The following DNAJB14 variants were observed in gnomAD, a reference collection of about 807,000 sequenced individuals.
The protein encoded by DNAJB14 is dnaJ homolog subfamily B member 14.
Under a neutral mutation model 48.4 loss-of-function variants are expected in DNAJB14, and 22 were observed. The ratio of observed to expected loss-of-function variants is 0.45; its 90% CI spans 0.32 to 0.65. DNAJB14 has a LOEUF of 0.65. DNAJB14 is among the 30% of genes least tolerant of loss of function. The pLI, the probability that DNAJB14 is intolerant of heterozygous loss-of-function variation, is 0.03. For missense variants in DNAJB14, 319 were observed against 458.8 expected (o/e 0.70, Z 2.78); for synonymous variants, 142 against 158.7 (o/e 0.89, Z 0.79).
In DNAJB14 at chr4:99,916,985, A is replaced by G. The variant is rs560152575; in HGVS notation, c.451+6055T>C. Among the ~76,000 whole-genome samples, 19 of 152,192 alleles carry G rather than the reference A, an allele frequency of 1.2e-4. No homozygotes were observed. In the South Asian group the frequency reaches 2.7e-3, roughly 22 times the overall value. ...CTGTCTCTACTAAAAATACAAAAAA[A>G]TTAGCTGGGTGTGGTGGCACATGCC... On this transcript the variant is annotated intron_variant, in intron 3 of 7. Coordinates refer to ENST00000442697, the MANE Select transcript of DNAJB14 (RefSeq NM_001031723.4).
Position 99,930,506 on chromosome 4 carries a change from A to C in DNAJB14, c.249T>G (p.Ser83=), listed in dbSNP as rs1726424386. 6.2e-7 allele frequency: 1 copy of C among 1,611,790 alleles called. No individual in the cohort carries two copies. Among genetic ancestry groups the C allele is most frequent in the African/African-American group, 1.3e-5 (1 of 74,856 alleles). ...AGCCTTTTCCACCTTCACCACTACC[A>C]GATGTGCTGTCCTTTGTGCAATTAG... ...SKPNCTKDST[S]GSGEGGKGYT... Residue 83 remains serine (S), a synonymous_variant, in exon 2 of 8, where the codon TCT becomes TCG. Coordinates refer to ENST00000442697, the MANE Select transcript of DNAJB14 (RefSeq NM_001031723.4).
chr4:99,939,428 A>G (rs1448610390), intron 1 of DNAJB14, among the ~76,000 whole-genome samples: 2 of 152,226 alleles, frequency 1.3e-5, no homozygotes, highest in Non-Finnish European at 2.9e-5. Context: ...GACCCACTGC[A>G]TGCTAATTAG....
intron 1 of DNAJB14, among the ~76,000 whole-genome samples, chr4:99,940,952 T>TATA (rs370865641): frequency 0.012 from 1,835 of 148,790 alleles, 9 homozygotes; most frequent in South Asian, 0.028. Flanking sequence ...TATATATATA[T>TATA]TTTTTTTTTG....
intron 1 of DNAJB14, among the ~76,000 whole-genome samples, chr4:99,932,494 G>A (rs1274797923): frequency 6.6e-6 from 1 of 152,072 alleles, no homozygotes; most frequent in Non-Finnish European, 1.5e-5. Flanking sequence ...TCCAAAAGAT[G>A]AACAATAGCA....
chr4:99,903,889 C>T lies in DNAJB14; in HGVS notation c.852G>A (p.Gly284=), dbSNP rs143056477. 2.5e-4 allele frequency: 405 copies of T among 1,611,558 alleles called. 1 individual carries two copies. The East Asian group carries it at 3.9e-3, about 15-fold the overall frequency. The change falls in exon 7 of 8, where the codon GGG becomes GGA. Residue 284 remains glycine, a synonymous_variant. Transcript: ENST00000442697. ...PYSLYPRSGT[G]QTIKMQTENL... ...TTTCTGTTTGCATTTTAATAGTTTG[C>T]CCAGTTCCACTGTAAAAGAGATGCA...
intron 5 of DNAJB14, 186 bp from the exon 6 acceptor site, chr4:99,905,892 T>G: frequency 2.3e-6 from 3 of 1,295,386 alleles, no homozygotes; most frequent in Non-Finnish European, 3.1e-6. Flanking sequence ...CACCAGGAGA[T>G]TCTGATTTGA....
chr4:99,937,184 G>A (rs896029130), intron 1 of DNAJB14, among the ~76,000 whole-genome samples: 2 of 151,968 alleles, frequency 1.3e-5, no homozygotes, highest in Non-Finnish European at 2.9e-5. Flanking sequence ...AGGTGTGGTG[G>A]CAGGCGCTTA....
chr4:99,924,892 C>T, intron 2 of DNAJB14: 1 of 1,015,210 alleles, frequency 9.9e-7, no homozygotes, highest in Non-Finnish European at 1.5e-6. Flanking sequence ...TGCCTCTAGG[C>T]AAAAATCTGA....
chr4:99,922,898 G>T, intron 3 of DNAJB14, 142 bp downstream of exon 3: 1 of 934,832 alleles, frequency 1.1e-6, no homozygotes, highest in Non-Finnish European at 1.5e-6. Flanking sequence ...AGTTAATACT[G>T]AAGTTTTAAA....
rs181262184 is a variant in DNAJB14 at position 99,897,810 on chromosome 4, T to C, written c.*3218A>G. ...ATGAAGATGGATAGTAATAGGATAGTACTGAACCCAAGCTTCACATGGGGA... is the reference window on the plus strand; with the variant it reads ...ATGAAGATGGATAGTAATAGGATAGCACTGAACCCAAGCTTCACATGGGGA... On this transcript the variant is annotated 3_prime_UTR_variant, in exon 8 of 8. Transcript: ENST00000442697. 2 of 152,122 alleles carry C rather than the reference T, an allele frequency of 1.3e-5. No homozygotes were observed. Among genetic ancestry groups the C allele is most frequent in the East Asian group, 3.9e-4 (2 of 5,180 alleles). The allele number at this position is 152,122 out of a possible 1,614,324, so 9.4% of individuals were successfully genotyped here. A position where few individuals can be genotyped will look rare whatever the true frequency, so the allele number is the denominator to read the frequency against.
intron 3 of DNAJB14, among the ~76,000 whole-genome samples, chr4:99,909,401 A>G (rs1447597856): frequency 6.6e-6 from 1 of 151,972 alleles, no homozygotes; most frequent in Non-Finnish European, 1.5e-5. Context: ...CCATACCAAA[A>G]ATCTTTTTTT....
intron 1 of DNAJB14, among the ~76,000 whole-genome samples, chr4:99,931,611 A>C (rs1726469380): frequency 6.6e-6 from 1 of 152,074 alleles, no homozygotes; most frequent in Admixed American, 6.5e-5. Flanking sequence ...TTAGACATCA[A>C]ATTTATAAGC....
intron 4 of DNAJB14, among the ~76,000 whole-genome samples, chr4:99,907,966 T>C (rs1166763501): frequency 1.3e-5 from 2 of 152,206 alleles, no homozygotes; most frequent in East Asian, 3.8e-4. Flanking sequence ...GTAAACATGA[T>C]GTACTATATG....
intron 1 of DNAJB14, among the ~76,000 whole-genome samples, chr4:99,945,878 C>G (rs1401824411): frequency 2.6e-5 from 4 of 152,182 alleles, no homozygotes. Flanking sequence ...TGACTCTTGA[C>G]CATTCTTGCC....
chr4:99,912,559 A>G (rs760789976), intron 3 of DNAJB14, among the ~76,000 whole-genome samples: 2 of 152,014 alleles, frequency 1.3e-5, no homozygotes, highest in Non-Finnish European at 2.9e-5. Flanking sequence ...GGCTCATTGC[A>G]ACCTCCACCT....
chr4:99,904,321 A>G (rs757708846), intron 6 of DNAJB14, among the ~76,000 whole-genome samples: 2 of 152,304 alleles, frequency 1.3e-5, no homozygotes, highest in Non-Finnish European at 2.9e-5. Flanking sequence ...ATTATTGCTT[A>G]TCAGTAGCAT....
chr4:99,914,390 A>G (rs373435255), intron 3 of DNAJB14, among the ~76,000 whole-genome samples: 43 of 152,310 alleles, frequency 2.8e-4, no homozygotes, highest in African/African-American at 9.9e-4. Context: ...AAACTATCGC[A>G]AGGACAAAAA....
At chr4:99,931,295 GC>G (rs1251019641) in intron 1 of DNAJB14, among the ~76,000 whole-genome samples, 1 of 152,082 alleles carries the variant, frequency 6.6e-6, no homozygotes, top group African/African-American at 2.4e-5. Context: ...TCAAGGATTT[GC>G]TTTTTAATAA....
Position 99,899,123 on chromosome 4 carries a change from A to G in DNAJB14, c.*1905T>C, listed in dbSNP as rs1468335120. The stretch of plus-strand genomic sequence containing the variant: ...TTATGGTATCACTTAACTTTGTACA[A>G]TAACTTCACCTATCTCCTTAAAGCT... On this transcript the variant is annotated 3_prime_UTR_variant, in exon 8 of 8. Coordinates refer to ENST00000442697, the MANE Select transcript of DNAJB14 (RefSeq NM_001031723.4). The G allele has an allele frequency of 6.6e-6, 1 of 151,938 alleles. No homozygotes were observed. The highest frequency in any genetic ancestry group is 1.5e-5 in the Non-Finnish European group (1 of 67,786). The allele number at this position is 151,938 out of a possible 1,614,324, so 9.4% of individuals were successfully genotyped here. A position where few individuals can be genotyped will look rare whatever the true frequency, so the allele number is the denominator to read the frequency against.
Sources: gnomAD v4.1 joint callset for allele counts (sites outside exome capture counted in the v4.1 genomes callset) on GRCh38, gnomAD v4.1.1 for gene constraint, MANE v1.5 for transcripts, NCBI Gene and HGNC (gene_info 2026-07-23, HGNC 2026-07-21) for gene names.